The following SUDS3 variants were observed in gnomAD, a reference collection of about 807,000 sequenced individuals.
The protein encoded by SUDS3 is SIN3A corepressor complex component SDS3, also known as sin3 histone deacetylase corepressor complex component SDS3.
In SUDS3, 23 loss-of-function variants were observed where a neutral mutation model predicts 53.5. The ratio of observed to expected loss-of-function variants is 0.43; its 90% CI spans 0.31 to 0.61. The LOEUF is 0.61. SUDS3 is among the 20% of genes least tolerant of loss of function. The probability of loss-of-function intolerance (pLI) is 0.10; values close to 1 mark genes in which losing one functional copy is unlikely to be tolerated. For missense variants in SUDS3, 291 were observed against 405.9 expected, an observed-to-expected ratio of 0.72 and a Z score of 2.43; for synonymous variants, 150 against 148.5, an observed-to-expected ratio of 1.01 and a Z score of -0.08.
chr12:118,385,026 A>G (rs1317441056), intron 3 of SUDS3, among the ~76,000 whole-genome samples: 1 of 152,210 alleles, frequency 6.6e-6, no homozygotes, highest in Non-Finnish European at 1.5e-5. Context: ...GCACACTGCA[A>G]GGTCCTGGGG....
In SUDS3 at chr12:118,412,525, C is replaced by T. The variant is rs183103455; in HGVS notation, c.888+1368C>T. ...GCCATTCTTCTCTGGGCTGAGGATC[C>T]GTGTGAGTCCCCTCAAGCCAAGTCA... On this transcript the variant is annotated intron_variant, in intron 11 of 11. Transcript: ENST00000543473. Among the ~76,000 whole-genome samples the T allele has an allele frequency of 1.8e-3, 270 of 152,198 alleles. 1 individual carries two copies. The highest frequency in any genetic ancestry group is 6.1e-3 in the African/African-American group (253 of 41,522).
chr12:118,383,945 A>T, intron 2 of SUDS3, 67 bp from the exon 3 acceptor site: 9 of 1,424,246 alleles, frequency 6.3e-6, no homozygotes, highest in Non-Finnish European at 8.8e-6. Context: ...AATTTCTGTG[A>T]GTAGGTTATT....
intron 6 of SUDS3, among the ~76,000 whole-genome samples, chr12:118,392,959 A>G (rs1008249815): frequency 2.0e-5 from 3 of 152,320 alleles, no homozygotes; most frequent in South Asian, 2.1e-4. Context: ...GCCAGGGTAG[A>G]AAAGACAAAT....
At chr12:118,389,969 G>A (rs2046151038) in intron 5 of SUDS3, 23 bp downstream of exon 5, 1 of 1,613,956 alleles carries the variant, frequency 6.2e-7, no homozygotes. Flanking sequence ...GATCTTCTGG[G>A]TTTGCAGGCC....
intron 6 of SUDS3, among the ~76,000 whole-genome samples, chr12:118,393,663 T>C (rs1038261229): frequency 2.0e-5 from 3 of 151,528 alleles, no homozygotes; most frequent in South Asian, 2.1e-4. Flanking sequence ...TTCTTTCTTT[T>C]TTTTTTTTAA....
At chr12:118,376,902 T>A in intron 1 of SUDS3, 69 bp downstream of exon 1, 1 of 599,376 alleles carries the variant, frequency 1.7e-6, no homozygotes, top group Non-Finnish European at 2.4e-6. Context: ...GTGGGGCTGT[T>A]CGGGAGAGGG....
At chr12:118,390,904 T>A in intron 5 of SUDS3, 2 of 617,702 alleles carry the variant, frequency 3.2e-6, no homozygotes, top group Non-Finnish European at 6.1e-6. Flanking sequence ...AGCGAAAAAA[T>A]ATCTGGGTAG....
At chr12:118,389,115 C>G (rs2046141536) in intron 4 of SUDS3, among the ~76,000 whole-genome samples, 3 of 152,254 alleles carry the variant, frequency 2.0e-5, no homozygotes, top group East Asian at 1.9e-4. Flanking sequence ...TGCCACTGCA[C>G]TCCAGTCTGG....
At chr12:118,387,038 C>T (rs1160804491) in intron 4 of SUDS3, among the ~76,000 whole-genome samples, 1 of 152,178 alleles carries the variant, frequency 6.6e-6, no homozygotes, top group Non-Finnish European at 1.5e-5. Context: ...CTGCTGTCAT[C>T]TTTCATTCTG....
At chr12:118,386,258 C>T in intron 4 of SUDS3, 73 bp downstream of exon 4, 3 of 1,186,484 alleles carry the variant, frequency 2.5e-6, no homozygotes, top group Non-Finnish European at 3.7e-6. Flanking sequence ...TGTAATGCAG[C>T]CCTAAGAGCT....
intron 6 of SUDS3, among the ~76,000 whole-genome samples, chr12:118,394,352 C>T (rs1424826831): frequency 5.9e-5 from 9 of 152,168 alleles, no homozygotes; most frequent in Admixed American, 4.6e-4. Context: ...TTGGGGGTAT[C>T]GCTTCTGATT....
chr12:118,408,545 G>T (rs2046329211), intron 10 of SUDS3, among the ~76,000 whole-genome samples: 1 of 151,166 alleles, frequency 6.6e-6, no homozygotes, highest in Non-Finnish European at 1.5e-5. Context: ...TGTTGGTCGG[G>T]CTGGTCTTGA....
At position 118,376,799 on chromosome 12, in the gene SUDS3, C is replaced by T. The variant is rs1225744837; in HGVS notation, c.108C>T (p.Asp36=). ...AAGAGCTGGAGAGCGCCGAGGACGACGAGCGCAGCTGTCGGGGCCGCGAGT... is the reference window on the plus strand; with the variant it reads ...AAGAGCTGGAGAGCGCCGAGGACGATGAGCGCAGCTGTCGGGGCCGCGAGT... ...EDEELESAED[D]ERSCRGRESD... The change falls in exon 1 of 12, where the codon GAC becomes GAT. Residue 36 remains aspartate (D), a synonymous_variant. Coordinates refer to ENST00000543473, the MANE Select transcript of SUDS3 (RefSeq NM_022491.3). 4.5e-6 allele frequency: 7 copies of T among 1,552,032 alleles called. No individual in the cohort carries two copies. The highest frequency in any genetic ancestry group is 6.1e-6 in the Non-Finnish European group (7 of 1,155,402).
Position 118,376,737 on chromosome 12 carries a change from G to A in SUDS3, c.46G>A (p.Ala16Thr). The A allele has an allele frequency of 1.3e-6, 2 of 1,535,408 alleles. No homozygotes were observed. Among genetic ancestry groups the A allele is most frequent in the South Asian group, 1.2e-5 (1 of 83,040 alleles). ...GGCCCCGGCCCCGGCCCAGGCTGGA[G>A]CGCCGCCGGCCCCCGAGTACTACCC... ...LLAPAPAQAG[A>T]PPAPEYYPEE... The change falls in exon 1 of 12, where the codon GCG becomes ACG. Residue 16 changes from alanine (A) to threonine (T), a missense_variant. By Grantham distance (58) the Ala-to-Thr change is moderately conservative. Transcript: ENST00000543473.
intron 4 of SUDS3, among the ~76,000 whole-genome samples, chr12:118,388,044 G>C (rs1286272269): frequency 6.6e-6 from 1 of 152,196 alleles, no homozygotes; most frequent in African/African-American, 2.4e-5. Context: ...TTGGTGCAAG[G>C]CATGATTTCT....
chr12:118,396,948 A>C (rs2046221315), intron 6 of SUDS3, among the ~76,000 whole-genome samples: 3 of 152,108 alleles, frequency 2.0e-5, no homozygotes, highest in Admixed American at 1.3e-4. Flanking sequence ...GTAGAACAGG[A>C]GGATTTGCAC....
chr12:118,410,926 A>G, intron 10 of SUDS3, 147 bp from the exon 11 acceptor site: 1 of 704,204 alleles, frequency 1.4e-6, no homozygotes, highest in Non-Finnish European at 2.4e-6. Context: ...ATTAAGCTAA[A>G]TGGGAAATCC....
chr12:118,409,604 A>G (rs1444869391), intron 10 of SUDS3, among the ~76,000 whole-genome samples: 3 of 152,262 alleles, frequency 2.0e-5, no homozygotes, highest in Non-Finnish European at 4.4e-5. Context: ...TGTCTTGGCA[A>G]TAGGTTATTT....
intron 2 of SUDS3, among the ~76,000 whole-genome samples, chr12:118,382,892 T>C (rs931183667): frequency 6.6e-6 from 1 of 151,872 alleles, no homozygotes; most frequent in Non-Finnish European, 1.5e-5. Context: ...GGTCTCGAAC[T>C]CCTGACCTCA....
Sources: allele counts gnomAD v4.1 joint callset (sites outside exome capture counted in the v4.1 genomes callset), GRCh38; gene constraint gnomAD v4.1.1; transcripts MANE v1.5; gene names NCBI Gene and HGNC (gene_info 2026-07-23, HGNC 2026-07-21).